The following AGBL4 variants were observed in gnomAD, a reference collection of about 807,000 sequenced individuals.
AGBL4 encodes AGBL carboxypeptidase 4.
Under a neutral mutation model 66.4 loss-of-function variants are expected in AGBL4, and 58 were observed. The observed-to-expected ratio is 0.87, with a 90% CI of 0.71 to 1.09. The LOEUF (loss-of-function observed/expected upper bound fraction) is 1.09, where lower values mean the gene tolerates loss of function less well. Ranked by LOEUF, AGBL4 falls within the 50% of genes least tolerant of loss-of-function variation. AGBL4 has a pLI of 0.00. For synonymous variants in AGBL4, 234 were observed against 222.9 expected, an observed-to-expected ratio of 1.05 and a Z score of -0.44; for missense variants, 579 against 631.0, an observed-to-expected ratio of 0.92 and a Z score of 0.88.
chr1:49,196,862 T>G (rs1172052839), intron 4 of AGBL4, among the ~76,000 whole-genome samples: 3 of 152,124 alleles, frequency 2.0e-5, no homozygotes, highest in Non-Finnish European at 4.4e-5. Flanking sequence ...GATCCCACTC[T>G]TTTGCTCAGG....
chr1:49,004,790 C>A (rs1173346192), intron 5 of AGBL4, among the ~76,000 whole-genome samples: 5 of 152,168 alleles, frequency 3.3e-5, no homozygotes, highest in African/African-American at 9.7e-5. Flanking sequence ...AATTCTTAGA[C>A]AACTTCACCT....
chr1:48,756,371 G>T (rs552302832), intron 6 of AGBL4, among the ~76,000 whole-genome samples: 12 of 152,304 alleles, frequency 7.9e-5, no homozygotes, highest in African/African-American at 2.9e-4. Flanking sequence ...TGGCATTTAT[G>T]TACTGTGCTG....
chr1:49,071,085 T>C (rs901281899), intron 4 of AGBL4, among the ~76,000 whole-genome samples: 1 of 151,970 alleles, frequency 6.6e-6, no homozygotes, highest in Non-Finnish European at 1.5e-5. Flanking sequence ...GGATTGGTGG[T>C]GATATCCCCT....
intron 3 of AGBL4, among the ~76,000 whole-genome samples, chr1:49,444,728 A>G (rs1366002264): frequency 6.6e-6 from 1 of 152,040 alleles, no homozygotes. Flanking sequence ...TAATCCATCC[A>G]GCAATTCTAT....
chr1:50,009,730 T>C (rs902650272), intron 1 of AGBL4, among the ~76,000 whole-genome samples: 3 of 151,832 alleles, frequency 2.0e-5, no homozygotes, highest in African/African-American at 7.2e-5. Flanking sequence ...TTATTATTGT[T>C]TGTAGATGAT....
Position 48,880,402 on chromosome 1 carries a change from T to C in AGBL4, c.595-13172A>G, listed in dbSNP as rs550966195. ...TTGGGTTGGTGCCTCATTTTTGCAA[T>C]TGCGAATTGTGCTGCTGTAAACATA... is the stretch of plus-strand genomic sequence containing the variant. On this transcript the variant is annotated intron_variant, in intron 5 of 13. Transcript: ENST00000371839. Among the ~76,000 whole-genome samples, 229 of 152,314 alleles carry C rather than the reference T, an allele frequency of 1.5e-3. 1 individual carries two copies. The highest frequency in any genetic ancestry group is 5.4e-3 in the African/African-American group (224 of 41,574).
chr1:49,780,121 T>C (rs1455189450), intron 2 of AGBL4, among the ~76,000 whole-genome samples: 8 of 152,144 alleles, frequency 5.3e-5, no homozygotes, highest in Admixed American at 5.2e-4. Flanking sequence ...TAAAGGAAGT[T>C]ATTTAACTTC....
At chr1:49,552,483 C>T (rs746114265) in intron 3 of AGBL4, among the ~76,000 whole-genome samples, 2 of 152,188 alleles carry the variant, frequency 1.3e-5, no homozygotes, top group Non-Finnish European at 2.9e-5. Flanking sequence ...CCTTTCTGCT[C>T]CTCCTCTATA....
intron 1 of AGBL4, among the ~76,000 whole-genome samples, chr1:49,944,220 C>T (rs1655014811): frequency 6.6e-6 from 1 of 152,012 alleles, no homozygotes; most frequent in Non-Finnish European, 1.5e-5. Context: ...TTTGAAAGCG[C>T]CACCTCCTGA....
chr1:49,841,314 A>G (rs1645982864), intron 2 of AGBL4, among the ~76,000 whole-genome samples: 1 of 152,232 alleles, frequency 6.6e-6, no homozygotes, highest in Non-Finnish European at 1.5e-5. Flanking sequence ...AACTGAGGCA[A>G]CTACAAAACA....
intron 1 of AGBL4, among the ~76,000 whole-genome samples, chr1:49,936,441 A>C (rs926293749): frequency 6.6e-6 from 1 of 152,226 alleles, no homozygotes; most frequent in African/African-American, 2.4e-5. Flanking sequence ...GAACTTCCCC[A>C]AACTAGCAAG....
At chr1:48,565,083 C>T (rs1644455001) in intron 11 of AGBL4, among the ~76,000 whole-genome samples, 1 of 152,206 alleles carries the variant, frequency 6.6e-6, no homozygotes, top group Non-Finnish European at 1.5e-5. Context: ...GTAAGCCAAT[C>T]CCATCATACA....
At chr1:49,114,590 T>A (rs1183609050) in intron 4 of AGBL4, among the ~76,000 whole-genome samples, 1 of 152,242 alleles carries the variant, frequency 6.6e-6, no homozygotes, top group Non-Finnish European at 1.5e-5. Flanking sequence ...TCTTTCTTCC[T>A]AACTCAGCTT....
intron 6 of AGBL4, among the ~76,000 whole-genome samples, chr1:48,719,912 A>G (rs960420398): frequency 8.5e-5 from 13 of 152,138 alleles, no homozygotes; most frequent in Non-Finnish European, 2.9e-5. Context: ...AAACTTAACT[A>G]TGGCCAAATC....
intron 3 of AGBL4, among the ~76,000 whole-genome samples, chr1:49,350,211 T>TTTTTG (rs1403753099): frequency 4.4e-4 from 67 of 150,608 alleles, no homozygotes; most frequent in African/African-American, 1.6e-3. Flanking sequence ...TTTGTTTTGT[T>TTTTTG]TTTTTTTTTT....
chr1:48,808,897 C>T (rs1645989921), intron 6 of AGBL4, among the ~76,000 whole-genome samples: 1 of 152,172 alleles, frequency 6.6e-6, no homozygotes, highest in Admixed American at 6.5e-5. Flanking sequence ...ATATCTGGAG[C>T]ACAGCAGGTG....
At chr1:49,876,887 T>A (rs1647025987) in intron 1 of AGBL4, among the ~76,000 whole-genome samples, 1 of 150,646 alleles carries the variant, frequency 6.6e-6, no homozygotes, top group Admixed American at 6.6e-5. Context: ...CCTTGTAAGT[T>A]GGATTCCTAG....
chr1:49,005,051 C>A (rs1661677386), intron 5 of AGBL4, among the ~76,000 whole-genome samples: 1 of 152,160 alleles, frequency 6.6e-6, no homozygotes, highest in African/African-American at 2.4e-5. Flanking sequence ...GACTGGAACC[C>A]AGGTCACAGA....
intron 3 of AGBL4, among the ~76,000 whole-genome samples, chr1:49,490,449 G>C (rs1354839162): frequency 2.6e-5 from 4 of 151,060 alleles, no homozygotes; most frequent in Non-Finnish European, 5.9e-5. Flanking sequence ...TATTTAAGTT[G>C]GATTTTTCAT....
Sources: allele counts gnomAD v4.1 joint callset (sites outside exome capture counted in the v4.1 genomes callset), GRCh38; gene constraint gnomAD v4.1.1; transcripts MANE v1.5; gene names NCBI Gene and HGNC (gene_info 2026-07-23, HGNC 2026-07-21).